The following PDE8A variants were observed in gnomAD, a reference collection of about 807,000 sequenced individuals.
The protein encoded by PDE8A is high affinity cAMP-specific and IBMX-insensitive 3',5'-cyclic phosphodiesterase 8A.
Under a neutral mutation model 105.0 loss-of-function variants are expected in PDE8A, and 59 were observed. The ratio of observed to expected loss-of-function variants is 0.56; its 90% CI spans 0.46 to 0.70. The LOEUF (loss-of-function observed/expected upper bound fraction) is 0.70, where lower values mean the gene tolerates loss of function less well. Ranked by LOEUF, PDE8A falls within the 30% of genes least tolerant of loss-of-function variation. PDE8A has a pLI of 0.00. For missense variants in PDE8A, 1,014 were observed against 1,045.9 expected (o/e 0.97, Z 0.42); for synonymous variants, 355 against 371.9 (o/e 0.95, Z 0.52).
At chr15:85,070,628 C>A (rs1213480492) in intron 3 of PDE8A, among the ~76,000 whole-genome samples, 1 of 152,098 alleles carries the variant, frequency 6.6e-6, no homozygotes, top group South Asian at 2.1e-4. Flanking sequence ...TAGAAACAGG[C>A]AGGACATCCG....
chr15:84,987,766 C>G (rs750282797), intron 1 of PDE8A, among the ~76,000 whole-genome samples: 1 of 151,950 alleles, frequency 6.6e-6, no homozygotes, highest in Non-Finnish European at 1.5e-5. Context: ...TGTGAGCCAC[C>G]GCGCCCGGCC....
At chr15:85,104,165 G>A (rs2081911394) in intron 11 of PDE8A, among the ~76,000 whole-genome samples, 1 of 152,200 alleles carries the variant, frequency 6.6e-6, no homozygotes, top group Non-Finnish European at 1.5e-5. Flanking sequence ...GAGCCTGACT[G>A]TAAGCATACA....
chr15:85,089,470 C>T (rs1433850131), intron 7 of PDE8A, 54 bp downstream of exon 7: 13 of 1,028,444 alleles, frequency 1.3e-5, no homozygotes, highest in Non-Finnish European at 1.8e-5. Flanking sequence ...CTTTTTCCAA[C>T]TTTTAGGATT....
At chr15:85,009,221 A>G (rs184132973) in intron 1 of PDE8A, among the ~76,000 whole-genome samples, 2 of 152,168 alleles carry the variant, frequency 1.3e-5, no homozygotes. Context: ...GACTAGGCAA[A>G]GGCAGTCTAA....
intron 17 of PDE8A, among the ~76,000 whole-genome samples, chr15:85,119,044 G>GA (rs1202227772): frequency 2.0e-5 from 3 of 152,042 alleles, no homozygotes; most frequent in Non-Finnish European, 4.4e-5. Context: ...TCTAAATTAT[G>GA]AAAACAAGTA....
At chr15:85,048,272 T>C (rs577127931) in intron 1 of PDE8A, among the ~76,000 whole-genome samples, 44 of 152,302 alleles carry the variant, frequency 2.9e-4, no homozygotes, top group African/African-American at 1.0e-3. Context: ...ACTTTAGGAA[T>C]ATATTTTAAG....
At chr15:85,027,091 C>T (rs916381502) in intron 1 of PDE8A, among the ~76,000 whole-genome samples, 1 of 152,130 alleles carries the variant, frequency 6.6e-6, no homozygotes, top group Non-Finnish European at 1.5e-5. Flanking sequence ...TGTCCTTTGC[C>T]TGTAAGAACA....
intron 8 of PDE8A, among the ~76,000 whole-genome samples, chr15:85,095,859 A>AAT (rs1555478243): frequency 0.25 from 29,103 of 118,182 alleles, 3,808 homozygotes; most frequent in Middle Eastern, 0.33. Context: ...GAAGATCCTG[A>AAT]ATATATATAT....
intron 20 of PDE8A, among the ~76,000 whole-genome samples, chr15:85,130,624 T>A (rs2082317621): frequency 6.6e-6 from 1 of 152,242 alleles, no homozygotes; most frequent in African/African-American, 2.4e-5. Context: ...GTCTCATTGT[T>A]CTATTCATTA....
chr15:85,037,323 C>G (rs2080724687), intron 1 of PDE8A, among the ~76,000 whole-genome samples: 1 of 152,174 alleles, frequency 6.6e-6, no homozygotes, highest in Non-Finnish European at 1.5e-5. Flanking sequence ...CCTCTGCCTC[C>G]CGAAGTGCTG....
chr15:85,084,936 T>C lies in PDE8A; in HGVS notation c.635+1292T>C, dbSNP rs566259825. On this transcript the variant is annotated intron_variant, in intron 6 of 21. Coordinates refer to ENST00000394553, the MANE Select transcript of PDE8A (RefSeq NM_002605.3). ...TTACTAATTTTTGGAATCTGTCCAC[T>C]TAATCTTCATCTCTACTGCTACTCT... Among the ~76,000 whole-genome samples the C allele has an allele frequency of 4.6e-5, 7 of 152,334 alleles. 1 individual carries two copies. The South Asian group carries it at 1.4e-3, about 32-fold the overall frequency.
intron 1 of PDE8A, among the ~76,000 whole-genome samples, chr15:84,984,565 G>A (rs2079771691): frequency 6.6e-6 from 1 of 152,182 alleles, no homozygotes; most frequent in Admixed American, 6.5e-5. Flanking sequence ...ATTGGGGGAT[G>A]CTTTTATAGT....
chr15:85,014,436 T>C (rs2080290939), intron 1 of PDE8A, among the ~76,000 whole-genome samples: 1 of 152,156 alleles, frequency 6.6e-6, no homozygotes, highest in African/African-American at 2.4e-5. Context: ...TCATTAACTA[T>C]GTGATAAAGT....
chr15:85,035,794 T>C (rs1474270895), intron 1 of PDE8A, among the ~76,000 whole-genome samples: 1 of 152,278 alleles, frequency 6.6e-6, no homozygotes, highest in Non-Finnish European at 1.5e-5. Context: ...AGACCAACTT[T>C]CTGAAGTGTC....
intron 1 of PDE8A, among the ~76,000 whole-genome samples, chr15:85,003,123 G>C (rs2080092318): frequency 6.6e-6 from 1 of 152,064 alleles, no homozygotes; most frequent in African/African-American, 2.4e-5. Context: ...GCTGAAGCCA[G>C]AAGTGGAATT....
chr15:85,093,233 G>T (rs1303938638), intron 8 of PDE8A, among the ~76,000 whole-genome samples: 1 of 152,178 alleles, frequency 6.6e-6, no homozygotes, highest in East Asian at 1.9e-4. Flanking sequence ...AAGAGCCTGG[G>T]TATTTGTTTC....
chr15:85,018,534 A>G (rs1259251884), intron 1 of PDE8A, among the ~76,000 whole-genome samples: 1 of 152,062 alleles, frequency 6.6e-6, no homozygotes, highest in East Asian at 1.9e-4. Context: ...TAGATGGTTA[A>G]CCCTCACATC....
rs1209499593 is a variant in PDE8A at position 85,138,968 on chromosome 15, G to GA, written c.*1067dup. 2.0e-5 allele frequency: 3 copies of GA among 151,932 alleles called. No homozygotes were observed. In the East Asian group the frequency reaches 5.8e-4, roughly 29 times the overall value. 9.4% of individuals were successfully genotyped at this position (151,932 alleles called of 1,614,324 possible). ...ACCAACCTGTTTTTATCTACGGTGG[G>GA]AATCTTTGATGCCAGAAATTTATAA... On this transcript the variant is annotated 3_prime_UTR_variant, in exon 22 of 22. Coordinates refer to ENST00000394553, the MANE Select transcript of PDE8A (RefSeq NM_002605.3).
At chr15:85,098,100 T>C in intron 9 of PDE8A, 64 bp downstream of exon 9, 1 of 987,622 alleles carries the variant, frequency 1.0e-6, no homozygotes, top group Non-Finnish European at 1.6e-6. Context: ...AGAATTTGCT[T>C]TGAATATTTA....
Sources: gnomAD v4.1 joint callset for allele counts (sites outside exome capture counted in the v4.1 genomes callset) on GRCh38, gnomAD v4.1.1 for gene constraint, MANE v1.5 for transcripts, NCBI Gene and HGNC (gene_info 2026-07-23, HGNC 2026-07-21) for gene names.